The following CTNNA2 variants were observed in gnomAD, a reference collection of about 807,000 sequenced individuals.
The protein encoded by CTNNA2 is catenin alpha 2.
CTNNA2 carries 42 observed loss-of-function variants against 101.0 expected under a neutral mutation model. The observed-to-expected ratio is 0.42, with a 90% CI of 0.32 to 0.54. CTNNA2 has a LOEUF of 0.54. Ranked by LOEUF, CTNNA2 falls within the 20% of genes least tolerant of loss-of-function variation. CTNNA2 has a pLI of 0.14. For synonymous variants in CTNNA2, 450 were observed against 456.4 expected (o/e 0.99, Z 0.18); for missense variants, 871 against 1,223.1 (o/e 0.71, Z 4.29).
intron 2 of CTNNA2, among the ~76,000 whole-genome samples, chr2:79,309,696 C>T (rs1009194156): frequency 5.3e-5 from 8 of 152,122 alleles, no homozygotes; most frequent in Admixed American, 5.2e-4. Flanking sequence ...CTATCTCTGG[C>T]TCCTGATTTC....
At chr2:79,642,021 G>C (rs1680480868) in intron 1 of CTNNA2, among the ~76,000 whole-genome samples, 1 of 152,124 alleles carries the variant, frequency 6.6e-6, no homozygotes, top group Admixed American at 6.5e-5. Context: ...TGAGGCTTTG[G>C]AGCTTTCTTT....
chr2:80,542,675 G>A (rs1691675721), intron 9 of CTNNA2, among the ~76,000 whole-genome samples: 1 of 151,958 alleles, frequency 6.6e-6, no homozygotes, highest in Non-Finnish European at 1.5e-5. Context: ...ATTATTCACT[G>A]TTTGCAAAAG....
chr2:79,657,440 A>G (rs1192901279), intron 2 of CTNNA2, among the ~76,000 whole-genome samples: 1 of 151,926 alleles, frequency 6.6e-6, no homozygotes, highest in Non-Finnish European at 1.5e-5. Context: ...AGCTGTTTAA[A>G]GATCAGTTAT....
intron 1 of CTNNA2, among the ~76,000 whole-genome samples, chr2:79,515,809 T>C (rs115396640): frequency 0.024 from 3,631 of 152,256 alleles, 126 homozygotes; most frequent in African/African-American, 0.082. Context: ...TTTAGTTGAC[T>C]GGACCTTTAA....
chr2:79,210,803 T>C (rs528377128), intron 2 of CTNNA2, among the ~76,000 whole-genome samples: 60 of 152,114 alleles, frequency 3.9e-4, no homozygotes, highest in Non-Finnish European at 7.8e-4. Flanking sequence ...TCCTAAAGGC[T>C]CCCAGAGATT....
At chr2:80,042,530 G>A (rs1696135345) in intron 7 of CTNNA2, among the ~76,000 whole-genome samples, 1 of 152,150 alleles carries the variant, frequency 6.6e-6, no homozygotes, top group Admixed American at 6.6e-5. Flanking sequence ...CTTTTACCTA[G>A]AGCATGGATG....
chr2:79,719,060 C>T (rs755883333), intron 2 of CTNNA2, among the ~76,000 whole-genome samples: 1 of 151,990 alleles, frequency 6.6e-6, no homozygotes, highest in Non-Finnish European at 1.5e-5. Context: ...TCGCTCTAGT[C>T]GTTTACAGCA....
intron 4 of CTNNA2, among the ~76,000 whole-genome samples, chr2:79,398,162 T>C (rs1678252275): frequency 6.6e-6 from 1 of 152,120 alleles, no homozygotes; most frequent in Admixed American, 6.6e-5. Flanking sequence ...AGAGTAAAAC[T>C]GTACTGCAAT....
rs575858725 is a variant in CTNNA2 at position 80,141,523 on chromosome 2, T to C, written c.1056+231726T>C. Among the ~76,000 whole-genome samples, 30 of 152,166 alleles carry C rather than the reference T, an allele frequency of 2.0e-4. No individual in the cohort carries two copies. In the South Asian group the frequency reaches 6.0e-3, roughly 31 times the overall value. On this transcript the variant is annotated intron_variant, in intron 7 of 18. Transcript: ENST00000402739. Reference sequence around the variant, plus strand: ...ATCCACCCCCTCCAACCCTGTGAGCTCTGCCTCTTGCCGGCCTCATCTTAC... The same window carrying C: ...ATCCACCCCCTCCAACCCTGTGAGCCCTGCCTCTTGCCGGCCTCATCTTAC...
rs181931583 is a variant in CTNNA2, at chr2:79,339,596, T to G, written c.-318+26800T>G. 9 of 152,308 alleles carry G rather than the reference T, an allele frequency of 5.9e-5. No individual in the cohort carries two copies. In the East Asian group the frequency reaches 1.7e-3, roughly 29 times the overall value. The allele number at this position is 152,308 out of a possible 1,614,324, so 9.4% of individuals were successfully genotyped here. On this transcript the variant is annotated intron_variant, in intron 3 of 21. Coordinates refer to the CTNNA2 transcript ENST00000466387. ...CAATAAGCCCGCAAGTTCACCCACATATGACGTCCACTTTACAGATGATGA... is the reference window on the plus strand; with the variant it reads ...CAATAAGCCCGCAAGTTCACCCACAGATGACGTCCACTTTACAGATGATGA...
intron 7 of CTNNA2, among the ~76,000 whole-genome samples, chr2:80,252,737 T>C (rs1360884301): frequency 3.3e-5 from 5 of 152,282 alleles, no homozygotes; most frequent in Middle Eastern, 3.4e-3. Context: ...TGGTTGACTG[T>C]GCCTTCACTC....
At chr2:79,533,019 G>T (rs1431615665) in intron 1 of CTNNA2, among the ~76,000 whole-genome samples, 1 of 151,786 alleles carries the variant, frequency 6.6e-6, no homozygotes, top group Non-Finnish European at 1.5e-5. Context: ...CTCTTCTTCA[G>T]GGCACCTTGG....
At chr2:80,076,080 T>C (rs912998191) in intron 7 of CTNNA2, among the ~76,000 whole-genome samples, 2 of 151,940 alleles carry the variant, frequency 1.3e-5, no homozygotes, top group African/African-American at 4.8e-5. Flanking sequence ...TGATAAGAAC[T>C]TATCAAGCCC....
At chr2:79,836,239 A>G (rs963491946) in intron 3 of CTNNA2, among the ~76,000 whole-genome samples, 2 of 152,060 alleles carry the variant, frequency 1.3e-5, no homozygotes, top group Non-Finnish European at 2.9e-5. Flanking sequence ...AACCTTGACT[A>G]TGTTTAGTTC....
intron 6 of CTNNA2, among the ~76,000 whole-genome samples, chr2:79,875,203 C>T (rs529085377): frequency 2.2e-4 from 33 of 152,100 alleles, no homozygotes; most frequent in Non-Finnish European, 3.8e-4. Context: ...TGTGAAGCAT[C>T]AGTGTGAGTG....
intron 3 of CTNNA2, among the ~76,000 whole-genome samples, chr2:79,808,871 T>C (rs1676787078): frequency 6.6e-6 from 1 of 152,078 alleles, no homozygotes; most frequent in Non-Finnish European, 1.5e-5. Flanking sequence ...ACACGTGCCA[T>C]GGTGGTTTGC....
At chr2:80,065,658 T>C (rs746682922) in intron 7 of CTNNA2, among the ~76,000 whole-genome samples, 2 of 152,144 alleles carry the variant, frequency 1.3e-5, no homozygotes, top group African/African-American at 2.4e-5. Context: ...GGCCCCACTT[T>C]TCCATTCTTT....
intron 7 of CTNNA2, among the ~76,000 whole-genome samples, chr2:80,227,150 A>G (rs1331506162): frequency 6.6e-6 from 1 of 152,086 alleles, no homozygotes; most frequent in African/African-American, 2.4e-5. Flanking sequence ...TCCCTTTATT[A>G]TATCTTATTG....
chr2:80,486,736 A>C (rs1686615813), intron 9 of CTNNA2, among the ~76,000 whole-genome samples: 1 of 152,152 alleles, frequency 6.6e-6, no homozygotes, highest in South Asian at 2.1e-4. Flanking sequence ...GATCCTATTT[A>C]CCCTTTGTCC....
Sources: gnomAD v4.1 joint callset for allele counts (sites outside exome capture counted in the v4.1 genomes callset) on GRCh38, gnomAD v4.1.1 for gene constraint, MANE v1.5 for transcripts, NCBI Gene and HGNC (gene_info 2026-07-23, HGNC 2026-07-21) for gene names.